The following PPP6R3 variants were observed in gnomAD, a reference collection of about 807,000 sequenced individuals.
The protein encoded by PPP6R3 is protein phosphatase 6 regulatory subunit 3.
A neutral mutation model predicts 110.7 loss-of-function variants in PPP6R3; 38 were observed. The ratio of observed to expected loss-of-function variants is 0.34; its 90% confidence interval spans 0.26 to 0.45. PPP6R3 has a LOEUF of 0.45. Ranked by LOEUF, PPP6R3 falls within the 20% of genes least tolerant of loss-of-function variation. The pLI is 1.00. For missense variants in PPP6R3, 870 were observed against 1,062.4 expected (o/e 0.82, Z 2.52); for synonymous variants, 369 against 373.5 (o/e 0.99, Z 0.14).
At chr11:68,530,713 C>G (rs933151616) in intron 2 of PPP6R3, among the ~76,000 whole-genome samples, 10 of 152,192 alleles carry the variant, frequency 6.6e-5, no homozygotes, top group African/African-American at 2.4e-4. Context: ...TGGGTTCTGT[C>G]TTGAAAGCCA....
chr11:68,551,719 C>T (rs2099380028), intron 6 of PPP6R3, among the ~76,000 whole-genome samples: 1 of 152,160 alleles, frequency 6.6e-6, no homozygotes, highest in African/African-American at 2.4e-5. Flanking sequence ...GAACTCCTGA[C>T]CTTGTGATCC....
intron 14 of PPP6R3, among the ~76,000 whole-genome samples, chr11:68,577,283 G>A (rs780265683): frequency 1.6e-3 from 249 of 152,256 alleles, no homozygotes; most frequent in Non-Finnish European, 3.2e-3. Context: ...TTTAACTTGA[G>A]TGTTCTGGAT....
At chr11:68,514,010 G>A (rs1029603685) in intron 1 of PPP6R3, among the ~76,000 whole-genome samples, 5 of 152,238 alleles carry the variant, frequency 3.3e-5, no homozygotes, top group Admixed American at 2.6e-4. Flanking sequence ...GATGACTGCA[G>A]TTGTAAAGCT....
chr11:68,514,689 A>T (rs1279570797), intron 1 of PPP6R3, among the ~76,000 whole-genome samples: 1 of 151,950 alleles, frequency 6.6e-6, no homozygotes, highest in Non-Finnish European at 1.5e-5. Context: ...GGTTCAAGTG[A>T]TTCTCCTGCC....
At chr11:68,535,233 T>C (rs925736067) in intron 2 of PPP6R3, among the ~76,000 whole-genome samples, 4 of 152,182 alleles carry the variant, frequency 2.6e-5, no homozygotes, top group Non-Finnish European at 4.4e-5. Flanking sequence ...TACCCACCCC[T>C]CGTCTGGAGC....
At chr11:68,566,302 T>TTCCTCCTCCTCCTTCCTCCTTCTCTTTCC (rs2099468920) in intron 9 of PPP6R3, among the ~76,000 whole-genome samples, 2 of 151,936 alleles carry the variant, frequency 1.3e-5, no homozygotes, top group Non-Finnish European at 2.9e-5. Flanking sequence ...TTATTCTTCC[T>TTCCTCCTCCTCCTTCCTCCTTCTCTTTCC]TCCTCCTCCT....
chr11:68,559,113 C>G (rs2099409798), intron 8 of PPP6R3, among the ~76,000 whole-genome samples: 1 of 152,230 alleles, frequency 6.6e-6, no homozygotes, highest in Admixed American at 6.5e-5. Flanking sequence ...TCTGCAGATA[C>G]TTAGGCCTTC....
intron 1 of PPP6R3, among the ~76,000 whole-genome samples, chr11:68,490,967 G>A (rs1334231905): frequency 6.6e-6 from 1 of 152,072 alleles, no homozygotes; most frequent in African/African-American, 2.4e-5. Flanking sequence ...CAGGCAGGTT[G>A]CTTGACTCAG....
At chr11:68,500,162 A>G (rs1048206575) in intron 1 of PPP6R3, among the ~76,000 whole-genome samples, 4 of 152,208 alleles carry the variant, frequency 2.6e-5, no homozygotes, top group African/African-American at 9.6e-5. Context: ...TAAAAATAAA[A>G]TGAACACACA....
intron 10 of PPP6R3, among the ~76,000 whole-genome samples, chr11:68,568,461 A>G (rs1236265444): frequency 1.3e-5 from 2 of 152,226 alleles, no homozygotes; most frequent in East Asian, 1.9e-4. Flanking sequence ...TTTCCTAAAT[A>G]TGACATACTA....
chr11:68,577,211 G>A (rs1215019382), intron 14 of PPP6R3, among the ~76,000 whole-genome samples: 4 of 152,280 alleles, frequency 2.6e-5, no homozygotes, highest in Non-Finnish European at 2.9e-5. Context: ...GGGTCATCAA[G>A]GAAGGGTTAA....
chr11:68,517,505 G>A (rs896632486), intron 1 of PPP6R3, among the ~76,000 whole-genome samples: 1 of 152,156 alleles, frequency 6.6e-6, no homozygotes, highest in African/African-American at 2.4e-5. Context: ...AAGCCGAACA[G>A]AGAATGCATA....
At chr11:68,540,996 A>G (rs1220397381) in intron 3 of PPP6R3, among the ~76,000 whole-genome samples, 1 of 152,156 alleles carries the variant, frequency 6.6e-6, no homozygotes, top group East Asian at 1.9e-4. Flanking sequence ...ATCCTCCTCA[A>G]CTGACAGGAT....
At position 68,536,105 on chromosome 11, in the gene PPP6R3, C is replaced by T. The variant is rs186565529; in HGVS notation, c.-6-1554C>T. The stretch of plus-strand genomic sequence containing the variant: ...GTAACCATGGTACAGAGTTTGTTTT[C>T]CTTCTGTTATTCCTGGATTGATCAG... On this transcript the variant is annotated intron_variant, in intron 2 of 23. Transcript: ENST00000393800. 7.1e-3 allele frequency among the ~76,000 whole-genome samples: 1,074 copies of T among 152,184 alleles called. 3 individuals carry two copies. The highest frequency in any genetic ancestry group is 0.011 in the African/African-American group (457 of 41,518).
At chr11:68,463,918 A>G (rs1668738521) in intron 1 of PPP6R3, among the ~76,000 whole-genome samples, 1 of 152,134 alleles carries the variant, frequency 6.6e-6, no homozygotes, top group South Asian at 2.1e-4. Context: ...GAGGCCAAGG[A>G]TACTGCTAAA....
intron 1 of PPP6R3, among the ~76,000 whole-genome samples, chr11:68,482,222 CAAAAAA>C (rs35130397): frequency 1.1e-5 from 1 of 87,044 alleles, no homozygotes; most frequent in South Asian, 4.3e-4. Flanking sequence ...CCCATCTCTC[CAAAAAA>C]AAAAAAAAAA....
chr11:68,574,024 T>G, intron 12 of PPP6R3, 85 bp from the exon 13 acceptor site: 1 of 924,710 alleles, frequency 1.1e-6, no homozygotes, highest in Non-Finnish European at 1.7e-6. Context: ...TTAAAATGAT[T>G]GTTTAAAAGT....
chr11:68,496,097 C>T (rs1388955374), intron 1 of PPP6R3, among the ~76,000 whole-genome samples: 2 of 152,028 alleles, frequency 1.3e-5, no homozygotes, highest in Non-Finnish European at 2.9e-5. Context: ...TGAAGTGATC[C>T]TCCCACCTCC....
intron 1 of PPP6R3, among the ~76,000 whole-genome samples, chr11:68,479,904 A>G (rs1054606165): frequency 6.6e-6 from 1 of 151,946 alleles, no homozygotes; most frequent in African/African-American, 2.4e-5. Flanking sequence ...ACACCTGGCT[A>G]ATTTTTGTAT....
Sources: allele counts gnomAD v4.1 joint callset (sites outside exome capture counted in the v4.1 genomes callset), GRCh38; gene constraint gnomAD v4.1.1; transcripts MANE v1.5; gene names NCBI Gene and HGNC (gene_info 2026-07-23, HGNC 2026-07-21).